PPM1G: variants seen among roughly 807,000 people sequenced by gnomAD.
PPM1G encodes the protein protein phosphatase 1G.
A neutral mutation model predicts 59.4 loss-of-function variants in PPM1G; 12 were observed. The ratio of observed to expected loss-of-function variants is 0.20; its 90% CI spans 0.13 to 0.33. The LOEUF (loss-of-function observed/expected upper bound fraction) is 0.33, where lower values mean the gene tolerates loss of function less well. Among genes scored for constraint, PPM1G ranks in the 10% least tolerant of loss-of-function variants. The probability of loss-of-function intolerance (pLI) is 1.00; values close to 1 mark genes in which losing one functional copy is unlikely to be tolerated. For missense variants in PPM1G, 392 were observed against 681.3 expected (o/e 0.58, Z 4.73); for synonymous variants, 245 against 251.9 (o/e 0.97, Z 0.26).
rs776581979 is a variant in PPM1G, at chr2:27,384,764, G to C, written c.734C>G (p.Ser245Cys). Residue 245 changes from serine (S) to cysteine (C), a missense_variant, in exon 5 of 10, where the codon TCT becomes TGT. Around this residue, in one of 6 missense-constraint regions of PPM1G, gnomAD observed 188 missense variants for 248.8 expected, o/e 0.76. Coordinates refer to ENST00000344034, the MANE Select transcript of PPM1G (RefSeq NM_177983.3). The surrounding 1 kb of genome is among the most constrained non-coding windows in gnomAD (Gnocchi z 4.8). The part of the protein sequence containing the change: ...GEAGPSCSSA[S>C]DKLPRVAKSK... ...CTTAGCAACTCGAGGCAGCTTGTCAGAGGCTGAAGAGCAGGAAGGCCCAGC... is the reference window on the plus strand; with the variant it reads ...CTTAGCAACTCGAGGCAGCTTGTCACAGGCTGAAGAGCAGGAAGGCCCAGC... 4 of 1,614,102 alleles carry C rather than the reference G, an allele frequency of 2.5e-6. No homozygotes were observed. The highest frequency in any genetic ancestry group is 4.5e-5 in the East Asian group (2 of 44,900).
Position 27,382,417 on chromosome 2 carries a change from T to A in PPM1G, c.1331+59A>T, listed in dbSNP as rs916849446. The A allele has an allele frequency of 5.0e-6, 8 of 1,607,830 alleles. No homozygotes were observed. Among genetic ancestry groups the A allele is most frequent in the Non-Finnish European group, 6.8e-6 (8 of 1,177,210 alleles). On this transcript the variant is annotated intron_variant, in intron 8 of 9. Coordinates refer to ENST00000344034, the MANE Select transcript of PPM1G (RefSeq NM_177983.3). The surrounding 1 kb of genome is among the most constrained non-coding windows in gnomAD (Gnocchi z 4.2). ...GCTCTAATCCTAGAGGTGCCCTGAG[T>A]CCTATAAGAGAAGACATGCTGCAGA...
chr2:27,392,347 T>C (rs1024641962), intron 1 of PPM1G, among the ~76,000 whole-genome samples: 19 of 144,812 alleles, frequency 1.3e-4, no homozygotes, highest in African/African-American at 4.7e-4. Flanking sequence ...CAGGCTGGAG[T>C]ACAGTGGCAT....
chr2:27,382,648 A>G lies in PPM1G; in HGVS notation c.1202-43T>C. 6.2e-7 allele frequency: 1 copy of G among 1,611,296 alleles called. No homozygotes were observed. Among genetic ancestry groups the G allele is most frequent in the East Asian group, 2.2e-5 (1 of 44,854 alleles). ...TTGATGAGCAGTTTGGATACTTCCC[A>G]CAGACTTGTGTTTGTGGCAGGTCAA... is the stretch of plus-strand genomic sequence containing the variant. On this transcript the variant is annotated intron_variant, in intron 7 of 9. Coordinates refer to ENST00000344034, the MANE Select transcript of PPM1G (RefSeq NM_177983.3). This position sits in a 1 kb window ranked among gnomAD's most constrained non-coding sequence, Gnocchi z 4.2.
chr2:27,386,530 A>C (rs1683767901), intron 2 of PPM1G: 1 of 289,714 alleles, frequency 3.5e-6, no homozygotes, highest in Non-Finnish European at 6.6e-6. Flanking sequence ...AGTGAAAAAA[A>C]GATAAAGAAT....
chr2:27,407,174 C>A (rs1163151314), intron 1 of PPM1G, among the ~76,000 whole-genome samples: 1 of 152,022 alleles, frequency 6.6e-6, no homozygotes, highest in Non-Finnish European at 1.5e-5. Context: ...TCATGTTGTC[C>A]AGGCTGGTCT....
intron 1 of PPM1G, among the ~76,000 whole-genome samples, chr2:27,398,413 G>C (rs1684101237): frequency 6.6e-6 from 1 of 152,144 alleles, no homozygotes; most frequent in African/African-American, 2.4e-5. Context: ...GAAAACCTAA[G>C]AGAAAATTCT....
At position 27,383,967 on chromosome 2, in the gene PPM1G, C is replaced by T. The variant is rs1558316147; in HGVS notation, c.951G>A (p.Met317Ile). The change falls in exon 6 of 10, where the codon ATG (methionine) becomes ATA (isoleucine). Residue 317 changes from methionine to isoleucine, a missense_variant. Transcript: ENST00000344034. This position sits in a 1 kb window ranked among gnomAD's most constrained non-coding sequence, Gnocchi z 5.0. Reference protein sequence around the residue: ...EEEEEMMVPGMEGKEEPGSDS... With the variant: ...EEEEEMMVPGIEGKEEPGSDS... ...CCCCACACACCTCCTCTTTGCCTTC[C>T]ATCCCTGGCACCATCATCTCTTCTT... The T allele has an allele frequency of 1.9e-6, 3 of 1,553,848 alleles. No homozygotes were observed. In the South Asian group the frequency reaches 3.6e-5, roughly 18 times the overall value.
At chr2:27,393,342 A>C (rs1051117766) in intron 1 of PPM1G, 3 of 1,596,820 alleles carry the variant, frequency 1.9e-6, no homozygotes, top group South Asian at 1.1e-5. Flanking sequence ...GTTCTGGCGC[A>C]CCTGCGAGGT....
intron 1 of PPM1G, 41 bp downstream of exon 1, chr2:27,409,262 C>T: frequency 6.5e-7 from 1 of 1,539,092 alleles, no homozygotes; most frequent in Non-Finnish European, 8.7e-7. Context: ...CGTCAGATTC[C>T]CGCCCCGCAG....
Position 27,384,622 on chromosome 2 carries a change from A to G in PPM1G, c.825+51T>C, listed in dbSNP as rs1331371257. 4 of 1,547,622 alleles carry G rather than the reference A, an allele frequency of 2.6e-6. 1 individual carries two copies. In the East Asian group the frequency reaches 9.0e-5, roughly 35 times the overall value. On this transcript the variant is annotated intron_variant, in intron 5 of 9. Coordinates refer to ENST00000344034, the MANE Select transcript of PPM1G (RefSeq NM_177983.3). This position sits in a 1 kb window ranked among gnomAD's most constrained non-coding sequence, Gnocchi z 4.8. The stretch of plus-strand genomic sequence containing the variant: ...AGTTGAAAACTACAGACGGCAACCA[A>G]ACAGGACCTCTCTGCAACTTCAGCA...
At position 27,385,912 on chromosome 2, in the gene PPM1G, C is replaced by T; in HGVS notation, c.277-33G>A. 2 of 1,600,520 alleles carry T rather than the reference C, an allele frequency of 1.2e-6. No individual in the cohort carries two copies. Among genetic ancestry groups the T allele is most frequent in the Non-Finnish European group, 1.7e-6 (2 of 1,175,642 alleles). On this transcript the variant is annotated intron_variant, in intron 3 of 9. Transcript: ENST00000344034. The surrounding 1 kb of genome is among the most constrained non-coding windows in gnomAD (Gnocchi z 4.1). ...TAAGCAAAATAGTCTAAGACTAGTACAAAATGAACTCCCTATATACAATCC... is the reference window on the plus strand; with the variant it reads ...TAAGCAAAATAGTCTAAGACTAGTATAAAATGAACTCCCTATATACAATCC...
intron 1 of PPM1G, chr2:27,393,296 C>T: frequency 6.3e-7 from 1 of 1,597,776 alleles, no homozygotes; most frequent in Non-Finnish European, 8.5e-7. Flanking sequence ...CCAGGTTGAT[C>T]TGGCGGTTGA....
chr2:27,386,139 G>A, intron 3 of PPM1G, 55 bp downstream of exon 3: 2 of 1,496,988 alleles, frequency 1.3e-6, no homozygotes, highest in Non-Finnish European at 1.9e-6. Flanking sequence ...CCAAGGGCTA[G>A]AGAACAAGGG....
chr2:27,403,389 T>C (rs553477338), intron 1 of PPM1G, among the ~76,000 whole-genome samples: 70 of 151,432 alleles, frequency 4.6e-4, no homozygotes, highest in African/African-American at 1.6e-3. Context: ...GAAGCTGCAG[T>C]GAGCCGAGAT....
At chr2:27,399,140 C>T (rs762372903) in intron 1 of PPM1G, among the ~76,000 whole-genome samples, 15 of 142,082 alleles carry the variant, frequency 1.1e-4, no homozygotes, top group Non-Finnish European at 1.9e-4. Context: ...GACTGTCCCC[C>T]GACCAAAACA....
intron 1 of PPM1G, among the ~76,000 whole-genome samples, chr2:27,396,819 C>CAA (rs771980529): frequency 7.2e-5 from 9 of 125,380 alleles, no homozygotes; most frequent in East Asian, 2.3e-4. Flanking sequence ...CCGTCTCCAA[C>CAA]AAAAAAAAAA....
intron 1 of PPM1G, among the ~76,000 whole-genome samples, chr2:27,395,857 A>G (rs552875585): frequency 5.9e-5 from 9 of 151,418 alleles, no homozygotes; most frequent in East Asian, 3.9e-4. Flanking sequence ...AAAAAAAAAG[A>G]AAAAGGAAAA....
chr2:27,389,087 T>C (rs1032199336), intron 1 of PPM1G, among the ~76,000 whole-genome samples: 1 of 152,182 alleles, frequency 6.6e-6, no homozygotes, highest in Admixed American at 6.5e-5. Flanking sequence ...ATATACTGCA[T>C]GATCTCTGGT....
At chr2:27,409,190 G>C (rs918437259) in intron 1 of PPM1G, 113 bp downstream of exon 1, 2 of 1,374,206 alleles carry the variant, frequency 1.5e-6, no homozygotes, top group Non-Finnish European at 9.5e-7. Flanking sequence ...CGGCCGCTGC[G>C]GCCGCAGGCT....
Sources: gnomAD v4.1 joint callset for allele counts (sites outside exome capture counted in the v4.1 genomes callset) on GRCh38, gnomAD v4.1.1 for gene constraint, gnomAD v4.1.1 regional missense constraint, Gnocchi (gnomAD v3.1) non-coding constraint, MANE v1.5 for transcripts, NCBI Gene and HGNC (gene_info 2026-07-23, HGNC 2026-07-21) for gene names.